Variants in HIP1 observed in about 807,000 individuals in gnomAD.
HIP1 encodes huntingtin interacting protein 1.
Under a neutral mutation model 147.6 loss-of-function variants are expected in HIP1, and 65 were observed. That is an observed-to-expected ratio of 0.44 (90% CI 0.36 to 0.54). The LOEUF (loss-of-function observed/expected upper bound fraction) is 0.54, where lower values mean the gene tolerates loss of function less well. Ranked by LOEUF, HIP1 falls within the 20% of genes least tolerant of loss-of-function variation. The pLI is 0.00. For synonymous variants in HIP1, 479 were observed against 504.0 expected (o/e 0.95, Z 0.67); for missense variants, 1,061 against 1,299.6 (o/e 0.82, Z 2.82).
At chr7:75,712,124 G>A (rs1249554714) in intron 1 of HIP1, among the ~76,000 whole-genome samples, 1 of 152,128 alleles carries the variant, frequency 6.6e-6, no homozygotes, top group Non-Finnish European at 1.5e-5. Context: ...CCTCACCGTC[G>A]CTCGGCTCCC....
intron 1 of HIP1, chr7:75,639,095 C>A: frequency 1.0e-6 from 1 of 984,734 alleles, no homozygotes; most frequent in Non-Finnish European, 1.2e-6. Context: ...CACCCCCCCA[C>A]CCCTGGAGAT....
chr7:75,661,572 C>CA (rs61482074), intron 1 of HIP1, among the ~76,000 whole-genome samples: 6,296 of 45,776 alleles, frequency 0.14, 715 homozygotes, highest in African/African-American at 0.33. Context: ...GACTCCATCT[C>CA]AAAAAAAAAA....
intron 1 of HIP1, 78 bp downstream of exon 1, chr7:75,738,723 C>T: frequency 6.6e-7 from 1 of 1,505,618 alleles, no homozygotes; most frequent in Non-Finnish European, 9.0e-7. Context: ...TGCAAGACTC[C>T]TACTCCCTTC....
intron 1 of HIP1, among the ~76,000 whole-genome samples, chr7:75,677,228 AATAAT>A (rs1799925479): frequency 6.6e-6 from 1 of 151,252 alleles, no homozygotes; most frequent in South Asian, 2.1e-4. Context: ...ATAAAAATAA[AATAAT>A]AAAGTAAAAT....
chr7:75,547,059 AC>A, intron 24 of HIP1, 27 bp from the exon 25 acceptor site: 4 of 1,525,082 alleles, frequency 2.6e-6, no homozygotes, highest in Non-Finnish European at 3.6e-6. Context: ...TCGAGGATAC[AC>A]TGAGATCAAG....
intron 1 of HIP1, among the ~76,000 whole-genome samples, chr7:75,604,121 C>G (rs1238894489): frequency 6.6e-6 from 1 of 152,086 alleles, no homozygotes; most frequent in Non-Finnish European, 1.5e-5. Context: ...GCCAGGGGCA[C>G]CATGACATAG....
At chr7:75,641,045 G>A (rs946684516) in intron 1 of HIP1, among the ~76,000 whole-genome samples, 12 of 151,872 alleles carry the variant, frequency 7.9e-5, no homozygotes, top group African/African-American at 2.9e-4. Context: ...GGTGGTTCAC[G>A]CCTCTAATCC....
intron 30 of HIP1, 48 bp downstream of exon 30, chr7:75,539,275 C>T (rs782021733): frequency 7.1e-7 from 1 of 1,402,650 alleles, no homozygotes; most frequent in South Asian, 1.2e-5. Flanking sequence ...GGCCACACAG[C>T]TTCCCCTCCC....
Position 75,555,570 on chromosome 7 carries a change from G to A in HIP1, c.1828-19C>T, listed in dbSNP as rs1275421168. 7 of 1,613,966 alleles carry A rather than the reference G, an allele frequency of 4.3e-6. No homozygotes were observed. Among genetic ancestry groups the A allele is most frequent in the Non-Finnish European group, 3.4e-6 (4 of 1,179,924 alleles). On this transcript the variant is annotated intron_variant, in intron 18 of 30. Coordinates refer to ENST00000336926, the MANE Select transcript of HIP1 (RefSeq NM_005338.7). ...TAGATTCCTAAAAATGGTCCAGGGA[G>A]GTGAGAGTCTGCCCTAGACTCCATA...
chr7:75,587,044 G>A (rs587622962), intron 4 of HIP1, among the ~76,000 whole-genome samples: 2 of 152,218 alleles, frequency 1.3e-5, no homozygotes, highest in East Asian at 3.9e-4. Context: ...GGGTTCAAGT[G>A]ATTCTCCTGC....
chr7:75,734,570 G>A (rs1801955504), intron 1 of HIP1, among the ~76,000 whole-genome samples: 1 of 152,172 alleles, frequency 6.6e-6, no homozygotes, highest in Non-Finnish European at 1.5e-5. Context: ...ATGCAGGCAA[G>A]AGCAAGACAC....
At chr7:75,608,707 A>G (rs910861006) in intron 1 of HIP1, among the ~76,000 whole-genome samples, 1 of 152,238 alleles carries the variant, frequency 6.6e-6, no homozygotes, top group African/African-American at 2.4e-5. Flanking sequence ...GTCTCATGAA[A>G]GAGAACTCCT....
intron 23 of HIP1, 24 bp downstream of exon 23, chr7:75,548,867 G>T (rs2116770180): frequency 6.5e-7 from 1 of 1,532,694 alleles, no homozygotes; most frequent in Non-Finnish European, 9.0e-7. Context: ...CATCGTTTCA[G>T]GAGATCCTGC....
rs377026510 is a variant in HIP1, at chr7:75,696,990, A to AT, written c.120+41810dup. On this transcript the variant is annotated intron_variant, in intron 1 of 30. Transcript: ENST00000336926. Reference sequence around the variant, plus strand: ...AATGCTTCCTTCTGCCTTCCCAAGGATTTTTTTTTTTTAATGGTTTGATTT... The same window carrying AT: ...AATGCTTCCTTCTGCCTTCCCAAGGATTTTTTTTTTTTTAATGGTTTGATTT... Among the ~76,000 whole-genome samples, 1,117 of 143,550 alleles carry AT rather than the reference A, an allele frequency of 7.8e-3. 14 individuals are homozygous for AT. Among genetic ancestry groups the AT allele is most frequent in the African/African-American group, 0.025 (990 of 39,442 alleles). The allele number at this position is 143,550 out of a possible 152,430, so 94.2% of individuals were successfully genotyped here. A position where few individuals can be genotyped will look rare whatever the true frequency, so the allele number is the denominator to read the frequency against.
At chr7:75,595,145 T>C (rs1184367400) in intron 2 of HIP1, among the ~76,000 whole-genome samples, 1 of 152,088 alleles carries the variant, frequency 6.6e-6, no homozygotes, top group African/African-American at 2.4e-5. Context: ...CTTAAACAGA[T>C]GTTTGGGTCT....
intron 1 of HIP1, among the ~76,000 whole-genome samples, chr7:75,711,469 A>G (rs1187543254): frequency 6.6e-6 from 1 of 152,174 alleles, no homozygotes; most frequent in Non-Finnish European, 1.5e-5. Flanking sequence ...CTGGGCAGAG[A>G]GCTTCTTACA....
chr7:75,537,987 T>G lies in HIP1; in HGVS notation c.*185A>C, dbSNP rs1794150578. 1.6e-6 allele frequency: 1 copy of G among 641,116 alleles called. No individual in the cohort carries two copies. The allele number at this position is 641,116 out of a possible 1,614,324, so 39.7% of individuals were successfully genotyped here. A position where few individuals can be genotyped will look rare whatever the true frequency, so the allele number is the denominator to read the frequency against. On this transcript the variant is annotated 3_prime_UTR_variant, in exon 31 of 31. Transcript: ENST00000336926. ...GGAAAAGAACAGAGATGACCATGGG[T>G]CCAAACAGAAAGGGTGTCGCTATGG...
In HIP1 at chr7:75,545,331, G is replaced by T. The variant is rs1482296243; in HGVS notation, c.2560-143C>A. 11 of 639,880 alleles carry T rather than the reference G, an allele frequency of 1.7e-5. No individual in the cohort carries two copies. The Admixed American group carries it at 3.4e-4, about 20-fold the overall frequency. 39.6% of individuals were successfully genotyped at this position (639,880 alleles called of 1,614,324 possible). ...AGTATTCCCATTTTACAAAAAAGAA[G>T]AAGATTCAGAGACCAAAATGGCTTT... On this transcript the variant is annotated intron_variant, in intron 25 of 30. Coordinates refer to ENST00000336926, the MANE Select transcript of HIP1 (RefSeq NM_005338.7).
intron 1 of HIP1, among the ~76,000 whole-genome samples, chr7:75,725,559 A>G (rs1801625611): frequency 1.3e-5 from 2 of 152,222 alleles, no homozygotes; most frequent in East Asian, 1.9e-4. Flanking sequence ...CAGTTTTACT[A>G]TCTAAGCAAG....
Sources: allele counts gnomAD v4.1 joint callset (sites outside exome capture counted in the v4.1 genomes callset), GRCh38; gene constraint gnomAD v4.1.1; transcripts MANE v1.5; gene names NCBI Gene and HGNC (gene_info 2026-07-23, HGNC 2026-07-21).